ICE1: variants seen among roughly 807,000 people sequenced by gnomAD.
ICE1 encodes the protein little elongation complex subunit 1.
In ICE1, 64 loss-of-function variants were observed where a neutral mutation model predicts 192.7. The ratio of observed to expected loss-of-function variants is 0.33; its 90% CI spans 0.27 to 0.41. ICE1 has a LOEUF of 0.41. Among genes scored for constraint, ICE1 ranks in the 10% least tolerant of loss-of-function variants. ICE1 has a pLI of 1.00. For missense variants in ICE1, 2,708 were observed against 2,696.0 expected (o/e 1.00, Z -0.10); for synonymous variants, 1,010 against 984.5 (o/e 1.03, Z -0.49).
intron 1 of ICE1, among the ~76,000 whole-genome samples, chr5:5,435,173 A>G (rs568361252): frequency 3.3e-5 from 5 of 152,338 alleles, no homozygotes; most frequent in African/African-American, 1.2e-4. Flanking sequence ...TATATTTTAT[A>G]TATGTGGTGG....
intron 18 of ICE1, among the ~76,000 whole-genome samples, chr5:5,487,202 G>A (rs556060142): frequency 6.6e-6 from 1 of 152,198 alleles, no homozygotes; most frequent in Non-Finnish European, 1.5e-5. Context: ...GTGATGTACA[G>A]TGAGATGCCA....
intron 15 of ICE1, among the ~76,000 whole-genome samples, chr5:5,472,689 A>G (rs897969920): frequency 6.6e-6 from 1 of 152,216 alleles, no homozygotes; most frequent in Non-Finnish European, 1.5e-5. Flanking sequence ...CTACAGGTTC[A>G]CTTGTGGAGT....
chr5:5,476,497 C>T (rs532099540), intron 17 of ICE1, among the ~76,000 whole-genome samples: 1 of 152,268 alleles, frequency 6.6e-6, no homozygotes, highest in South Asian at 2.1e-4. Flanking sequence ...TCCAGTTCTG[C>T]AGGCTTTACA....
intron 1 of ICE1, among the ~76,000 whole-genome samples, chr5:5,427,803 G>C (rs1737569677): frequency 6.6e-6 from 1 of 152,158 alleles, no homozygotes; most frequent in African/African-American, 2.4e-5. Flanking sequence ...ATACAATGAT[G>C]AACAGAAGAG....
chr5:5,427,680 T>C (rs1187404337), intron 1 of ICE1, among the ~76,000 whole-genome samples: 2 of 152,222 alleles, frequency 1.3e-5, no homozygotes, highest in Admixed American at 1.3e-4. Flanking sequence ...TCCAGACCTA[T>C]TGATTTAGAA....
intron 11 of ICE1, 135 bp from the exon 12 acceptor site, chr5:5,457,197 C>T: frequency 1.3e-6 from 1 of 782,454 alleles, no homozygotes; most frequent in Non-Finnish European, 1.9e-6. Context: ...CGATTGGTTG[C>T]CTTTTAAAAA....
chr5:5,438,114 A>C (rs1737926083), intron 3 of ICE1, among the ~76,000 whole-genome samples: 1 of 152,250 alleles, frequency 6.6e-6, no homozygotes, highest in Non-Finnish European at 1.5e-5. Flanking sequence ...TAATCATGGC[A>C]GAAGGGGAAG....
At chr5:5,473,885 T>C (rs540058144) in intron 16 of ICE1, 137 bp downstream of exon 16, 6 of 638,644 alleles carry the variant, frequency 9.4e-6, no homozygotes, top group Non-Finnish European at 1.3e-5. Context: ...ACTGTTTTTA[T>C]TTTATAAGAG....
intron 10 of ICE1, among the ~76,000 whole-genome samples, chr5:5,452,516 G>A (rs1003896149): frequency 6.6e-6 from 1 of 152,036 alleles, no homozygotes; most frequent in African/African-American, 2.4e-5. Flanking sequence ...TTCCTTAAAA[G>A]CGTTAAGGAA....
At position 5,489,475 on chromosome 5, in the gene ICE1, G is replaced by T. The variant is rs1205098721; in HGVS notation, c.*145G>T. On this transcript the variant is annotated 3_prime_UTR_variant, in exon 19 of 19. Coordinates refer to ENST00000296564, the MANE Select transcript of ICE1 (RefSeq NM_015325.3). ...GACCAGAGGCTCTCCTTATTGTTTG[G>T]CAAGGAGACAGGAGAAACAAGCAGT... The T allele has an allele frequency of 4.3e-6, 3 of 689,810 alleles. No individual in the cohort carries two copies. The highest frequency in any genetic ancestry group is 2.9e-5 in the East Asian group (1 of 35,040). The allele number at this position is 689,810 out of a possible 1,614,324, so 42.7% of individuals were successfully genotyped here. A position where few individuals can be genotyped will look rare whatever the true frequency, so the allele number is the denominator to read the frequency against.
intron 3 of ICE1, chr5:5,437,695 C>T (rs1280143217): frequency 1.3e-5 from 2 of 152,310 alleles, no homozygotes; most frequent in African/African-American, 4.8e-5. Flanking sequence ...GAGTTAGTGT[C>T]TGGTCAGCTA....
In ICE1 at chr5:5,461,230, C is replaced by T; in HGVS notation, c.1896C>T (p.Ser632=). 2 of 1,613,952 alleles carry T rather than the reference C, an allele frequency of 1.2e-6. No individual in the cohort carries two copies. The highest frequency in any genetic ancestry group is 1.7e-6 in the Non-Finnish European group (2 of 1,179,874). ...TTGACATTGAAACCAGTTTTTCTTC[C>T]TCTTCTACCTTGGTAGCATTGTCTG... The part of the protein sequence containing the change: ...AGLDIETSFS[S]SSTLVALSVG... Residue 632 remains serine (S), a synonymous_variant, in exon 13 of 19, where the codon TCC becomes TCT. Coordinates refer to ENST00000296564, the MANE Select transcript of ICE1 (RefSeq NM_015325.3).
chr5:5,436,746 C>G (rs1002594112), intron 2 of ICE1, among the ~76,000 whole-genome samples: 1 of 152,142 alleles, frequency 6.6e-6, no homozygotes, highest in Non-Finnish European at 1.5e-5. Context: ...GTCTTCAAAG[C>G]CTTCTTAGCT....
intron 3 of ICE1, among the ~76,000 whole-genome samples, chr5:5,439,310 T>TA (rs1416355182): frequency 6.6e-6 from 1 of 152,196 alleles, no homozygotes; most frequent in Non-Finnish European, 1.5e-5. Flanking sequence ...TATATTGTGA[T>TA]AAAAATACAG....
At chr5:5,446,834 T>A (rs1251609999) in intron 7 of ICE1, among the ~76,000 whole-genome samples, 1 of 152,150 alleles carries the variant, frequency 6.6e-6, no homozygotes, top group Admixed American at 6.6e-5. Flanking sequence ...ATGAGCATAG[T>A]TATGTAAAGT....
chr5:5,480,147 C>T (rs1288088658), intron 17 of ICE1, among the ~76,000 whole-genome samples: 2 of 152,058 alleles, frequency 1.3e-5, no homozygotes, highest in African/African-American at 4.8e-5. Flanking sequence ...TATTCTTTGC[C>T]CCTGGGGAAT....
intron 17 of ICE1, among the ~76,000 whole-genome samples, chr5:5,485,698 A>C (rs1739621831): frequency 6.6e-6 from 1 of 152,212 alleles, no homozygotes; most frequent in Non-Finnish European, 1.5e-5. Context: ...TGCATTATTC[A>C]CTTGGAAAAT....
intron 1 of ICE1, among the ~76,000 whole-genome samples, chr5:5,428,799 G>A (rs1453978472): frequency 6.6e-6 from 1 of 152,016 alleles, no homozygotes; most frequent in Admixed American, 6.5e-5. Flanking sequence ...TTATTGTAAT[G>A]TCTCTTCAGC....
chr5:5,429,026 A>G (rs573120454), intron 1 of ICE1, among the ~76,000 whole-genome samples: 2 of 152,320 alleles, frequency 1.3e-5, no homozygotes, highest in African/African-American at 4.8e-5. Flanking sequence ...TGAAGTCAGT[A>G]AAGGGAAAAG....
Sources: allele counts gnomAD v4.1 joint callset (sites outside exome capture counted in the v4.1 genomes callset), GRCh38; gene constraint gnomAD v4.1.1; transcripts MANE v1.5; gene names NCBI Gene and HGNC (gene_info 2026-07-23, HGNC 2026-07-21).